Variants in LGI4 observed in about 807,000 individuals in gnomAD.
LGI4 encodes leucine-rich repeat LGI family member 4.
A neutral mutation model predicts 48.3 loss-of-function variants in LGI4; 36 were observed. The ratio of observed to expected loss-of-function variants is 0.75; its 90% confidence interval spans 0.57 to 0.98. The LOEUF (loss-of-function observed/expected upper bound fraction) is 0.98. LGI4 is among the 50% of genes least tolerant of loss of function. The pLI is 0.00. For synonymous variants in LGI4, 355 were observed against 331.6 expected, an observed-to-expected ratio of 1.07 and a Z score of -0.77; for missense variants, 701 against 732.1, an observed-to-expected ratio of 0.96 and a Z score of 0.49.
chr19:35,127,289 A>G (rs771626464), intron 6 of LGI4, among the ~76,000 whole-genome samples: 2 of 152,086 alleles, frequency 1.3e-5, no homozygotes, highest in South Asian at 2.1e-4. Flanking sequence ...GGCTCAAGCA[A>G]TCCTCCTTCC....
intron 8 of LGI4, 31 bp downstream of exon 8, chr19:35,126,239 G>A (rs1169608966): frequency 6.2e-7 from 1 of 1,602,800 alleles, no homozygotes; most frequent in Non-Finnish European, 8.5e-7. Flanking sequence ...GTGCTGAAAA[G>A]CCAGCCCCCC....
Position 35,125,182 on chromosome 19 carries a change from C to T in LGI4, c.*11G>A, listed in dbSNP as rs11084800. ...GGGGCCCCAGCCATGCCCAGAGTCC[C>T]GTTGGTGGTCTCAGGCACTGAGGTC... On this transcript the variant is annotated 3_prime_UTR_variant, in exon 9 of 9. Transcript: ENST00000310123. The T allele has an allele frequency of 0.36, 543,854 of 1,510,478 alleles. 100,604 individuals carry two copies. The highest frequency in any genetic ancestry group is 0.56 in the South Asian group (41,772 of 74,920). The allele number at this position is 1,510,478 out of a possible 1,614,324, so 93.6% of individuals were successfully genotyped here. A position where few individuals can be genotyped will look rare whatever the true frequency, so the allele number is the denominator to read the frequency against.
At position 35,126,704 on chromosome 19, in the gene LGI4, C is replaced by T; in HGVS notation, c.865G>A (p.Gly289Arg). 2.0e-6 allele frequency: 3 copies of T among 1,538,344 alleles called. No homozygotes were observed. The highest frequency in any genetic ancestry group is 2.6e-6 in the Non-Finnish European group (3 of 1,147,222). The part of the protein sequence containing the change: ...SLFVLAARLW[G>R]GSQLWARPSP... ...GGCCGGGCCCACAGCTGTGAGCCCC[C>T]CCACAGGCGGGCAGCCAGCACGAAG... Residue 289 changes from glycine to arginine, a missense_variant, in exon 8 of 9, where the codon GGG becomes AGG. Physicochemically the swap from Gly to Arg is moderately radical, Grantham distance 125. Transcript: ENST00000310123.
In LGI4 at chr19:35,129,578, C is replaced by T. The variant is rs184160472; in HGVS notation, c.628+1808G>A. Among the ~76,000 whole-genome samples the T allele has an allele frequency of 7.2e-5, 11 of 152,254 alleles. No individual in the cohort carries two copies. The East Asian group carries it at 1.3e-3, about 19-fold the overall frequency. On this transcript the variant is annotated intron_variant, in intron 6 of 8. Transcript: ENST00000310123. Reference sequence around the variant, plus strand: ...GACGTGCTTTGTTAAAATGTGTTTGCAGGCAGTATGCTTGGTAAAAGTCAT... The same window carrying T: ...GACGTGCTTTGTTAAAATGTGTTTGTAGGCAGTATGCTTGGTAAAAGTCAT...
At chr19:35,127,060 G>A in intron 6 of LGI4, 43 bp from the exon 7 acceptor site, 1 of 1,524,362 alleles carries the variant, frequency 6.6e-7, no homozygotes, top group Non-Finnish European at 8.8e-7. Flanking sequence ...AGGACCCCCA[G>A]GGTCCTCATT....
At chr19:35,127,056 C>T in intron 6 of LGI4, 39 bp from the exon 7 acceptor site, 4 of 1,526,176 alleles carry the variant, frequency 2.6e-6, no homozygotes, top group Admixed American at 2.0e-5. Context: ...CCCCAGGACC[C>T]CCAGGGTCCT....
intron 3 of LGI4, chr19:35,133,265 C>T (rs2065187467): frequency 5.6e-6 from 5 of 897,878 alleles, no homozygotes; most frequent in Admixed American, 5.3e-5. Context: ...ATCACCACCA[C>T]TACCCAATCG....
In LGI4 at chr19:35,134,801, T is replaced by G. The variant is rs752308145; in HGVS notation, c.-121A>C. On this transcript the variant is annotated 5_prime_UTR_variant, in exon 1 of 9. Transcript: ENST00000310123. ...GCCTGCTGGCACGCTCGGCCCTGGC[T>G]TCTCTCTCCTCTTCTCCGTCTTTCT... is the stretch of plus-strand genomic sequence containing the variant. The G allele has an allele frequency of 8.6e-6, 5 of 583,698 alleles. No homozygotes were observed. The highest frequency in any genetic ancestry group is 1.5e-5 in the Non-Finnish European group (5 of 333,082). The allele number at this position is 583,698 out of a possible 1,614,324, so 36.2% of individuals were successfully genotyped here.
rs8105771 is a variant in LGI4, at chr19:35,126,250, G to A, written c.1299+20C>T. On this transcript the variant is annotated intron_variant, in intron 8 of 8. Transcript: ENST00000310123. ...GTCAGTGCTGAAAAGCCAGCCCCCCGCCCCCAGGCCCAGCCTCACCATGGA... is the reference window on the plus strand; with the variant it reads ...GTCAGTGCTGAAAAGCCAGCCCCCCACCCCCAGGCCCAGCCTCACCATGGA... The A allele has an allele frequency of 5.0e-6, 8 of 1,606,708 alleles. No individual in the cohort carries two copies. Among genetic ancestry groups the A allele is most frequent in the Admixed American group, 3.4e-5 (2 of 59,190 alleles).
At position 35,128,943 on chromosome 19, in the gene LGI4, C is replaced by T. The variant is rs78388109; in HGVS notation, c.629-1926G>A. On this transcript the variant is annotated intron_variant, in intron 6 of 8. Coordinates refer to ENST00000310123, the MANE Select transcript of LGI4 (RefSeq NM_139284.3). ...CCCTTCCCTCTGTTCCTCACTTAGC[C>T]ACATCGAGACCTAACATCCCCACTT... 1.2e-3 allele frequency among the ~76,000 whole-genome samples: 182 copies of T among 152,298 alleles called. 1 individual carries two copies. The East Asian group carries it at 0.026, about 22-fold the overall frequency.
rs776256938 is a variant in LGI4 at position 35,134,547 on chromosome 19, T to A, written c.134A>T (p.Asp45Val). Reference protein sequence around the residue: ...KDSALCEGSPDLPVSFSPTLL... With the variant: ...KDSALCEGSPVLPVSFSPTLL... ...GGTCGGAGAGAAGCTGACGGGCAGG[T>A]CCGGGGAGCCCTCACACAGGGCGCT... is the stretch of plus-strand genomic sequence containing the variant. Residue 45 changes from aspartate to valine, a missense_variant, in exon 1 of 9, where the codon GAC (aspartate) becomes GTC (valine). By Grantham distance (152) the Asp-to-Val change is radical (BLOSUM62 -3). Transcript: ENST00000310123. 2.5e-6 allele frequency: 4 copies of A among 1,585,620 alleles called. No individual in the cohort carries two copies. The South Asian group carries it at 4.6e-5, about 18-fold the overall frequency.
rs756170656 is a variant in LGI4, at chr19:35,126,518, C to T, written c.1051G>A (p.Gly351Ser). Residue 351 changes from glycine to serine, a missense_variant, in exon 8 of 9, where the codon GGC (glycine) becomes AGC (serine). By Grantham distance (56) the Gly-to-Ser change is moderately conservative. Coordinates refer to ENST00000310123, the MANE Select transcript of LGI4 (RefSeq NM_139284.3). ...TGCAGGCTCTGGTGCGGGTAAAAGC[C>T]GGGCCCGTCGCGGCACAGCAGCGTG... Reference protein sequence around the residue: ...STTLLCRDGPGFYPHQSLHAW... With the variant: ...STTLLCRDGPSFYPHQSLHAW... 34 of 1,545,866 alleles carry T rather than the reference C, an allele frequency of 2.2e-5. No individual in the cohort carries two copies. Among genetic ancestry groups the T allele is most frequent in the Non-Finnish European group, 3.0e-5 (34 of 1,150,500 alleles).
At chr19:35,128,946 A>G (rs1343916852) in intron 6 of LGI4, among the ~76,000 whole-genome samples, 2 of 152,228 alleles carry the variant, frequency 1.3e-5, no homozygotes, top group South Asian at 2.1e-4. Flanking sequence ...ACTTAGCCAC[A>G]TCGAGACCTA....
At chr19:35,125,540 C>T in intron 8 of LGI4, 33 bp from the exon 9 acceptor site, 2 of 1,493,940 alleles carry the variant, frequency 1.3e-6, no homozygotes, top group Non-Finnish European at 1.8e-6. Flanking sequence ...GGCCTGGGGT[C>T]CCGGGGGTCT....
chr19:35,134,803 C>T lies in LGI4; in HGVS notation c.-123G>A. 1.7e-6 allele frequency: 1 copy of T among 579,900 alleles called. No homozygotes were observed. The highest frequency in any genetic ancestry group is 3.0e-6 in the Non-Finnish European group (1 of 330,742). The allele number at this position is 579,900 out of a possible 1,614,324, so 35.9% of individuals were successfully genotyped here. A position where few individuals can be genotyped will look rare whatever the true frequency, so the allele number is the denominator to read the frequency against. On this transcript the variant is annotated 5_prime_UTR_variant, in exon 1 of 9. Transcript: ENST00000310123. ...CTGCTGGCACGCTCGGCCCTGGCTT[C>T]TCTCTCCTCTTCTCCGTCTTTCTTT...
chr19:35,133,635 C>A, intron 3 of LGI4, 58 bp downstream of exon 3: 1 of 1,533,918 alleles, frequency 6.5e-7, no homozygotes, highest in Non-Finnish European at 8.8e-7. Flanking sequence ...CTCTGGGAGC[C>A]ACAGAAGGGT....
intron 4 of LGI4, 29 bp from the exon 5 acceptor site, chr19:35,131,889 C>T: frequency 6.4e-7 from 1 of 1,564,152 alleles, no homozygotes; most frequent in East Asian, 2.4e-5. Context: ...GCACCGTCAG[C>T]AGCCACAAGG....
Position 35,124,898 on chromosome 19 carries a change from G to T in LGI4, c.*295C>A. On this transcript the variant is annotated 3_prime_UTR_variant, in exon 9 of 9. Coordinates refer to ENST00000310123, the MANE Select transcript of LGI4 (RefSeq NM_139284.3). Reference sequence around the variant, plus strand: ...GTGACCTCCACCTCGACTCCATGCAGTGCACCAGCCTGCACCCCCCAGGTT... The same window carrying T: ...GTGACCTCCACCTCGACTCCATGCATTGCACCAGCCTGCACCCCCCAGGTT... The T allele has an allele frequency of 3.4e-6, 1 of 295,388 alleles. No individual in the cohort carries two copies. The allele number at this position is 295,388 out of a possible 1,614,324, so 18.3% of individuals were successfully genotyped here.
chr19:35,125,537 G>A, intron 8 of LGI4, 30 bp from the exon 9 acceptor site: 2 of 1,492,986 alleles, frequency 1.3e-6, no homozygotes, highest in Non-Finnish European at 9.0e-7. Flanking sequence ...GAGGGCCTGG[G>A]GTCCCGGGGG....
Sources: gnomAD v4.1 joint callset for allele counts (sites outside exome capture counted in the v4.1 genomes callset) on GRCh38, gnomAD v4.1.1 for gene constraint, MANE v1.5 for transcripts, NCBI Gene and HGNC (gene_info 2026-07-23, HGNC 2026-07-21) for gene names.